The following EXOSC7 variants were observed in gnomAD, a reference collection of about 807,000 sequenced individuals.
EXOSC7 encodes exosome complex component RRP42.
Under a neutral mutation model 34.3 loss-of-function variants are expected in EXOSC7, and 25 were observed. The observed-to-expected ratio is 0.73, with a 90% CI of 0.53 to 1.02. EXOSC7 has a LOEUF of 1.02. Among genes scored for constraint, EXOSC7 ranks in the 50% least tolerant of loss-of-function variants. EXOSC7 has a pLI of 0.00. For synonymous variants in EXOSC7, 130 were observed against 143.0 expected (o/e 0.91, Z 0.65); for missense variants, 370 against 368.5 (o/e 1.00, Z -0.03).
intron 6 of EXOSC7, among the ~76,000 whole-genome samples, chr3:45,006,795 A>ACCC (rs1220398701): frequency 1.6e-5 from 2 of 124,612 alleles, no homozygotes; most frequent in Non-Finnish European, 3.4e-5. Context: ...CTCTGCTGCA[A>ACCC]CCCCCCCACC....
chr3:44,997,324 A>T (rs2125968663), intron 4 of EXOSC7, 72 bp downstream of exon 4: 2 of 1,455,314 alleles, frequency 1.4e-6, no homozygotes, highest in East Asian at 4.6e-5. Flanking sequence ...TTTTCCTTCC[A>T]GTGCTTTTTT....
chr3:45,003,349 GCGTGTGTGTGTGTA>G (rs1706938706), intron 5 of EXOSC7, among the ~76,000 whole-genome samples: 3 of 27,386 alleles, frequency 1.1e-4, no homozygotes, highest in Admixed American at 7.6e-4. Context: ...GTGCGTGCGT[GCGTGTGTGTGTGTA>G]TGTGTGTGTG....
In EXOSC7 at chr3:44,976,286, C is replaced by G. The variant is rs776618389; in HGVS notation, c.9C>G (p.Ser3=). The stretch of plus-strand genomic sequence containing the variant: ...TGGGGCAGCTCGGCAGCATGGCGTC[C>G]GTGACGCTGAGCGAGGCGGAGAAGG... MA[S]VTLSEAEKVY... The change falls in exon 1 of 8, where the codon TCC becomes TCG. Residue 3 remains serine, a synonymous_variant. Coordinates refer to ENST00000265564, the MANE Select transcript of EXOSC7 (RefSeq NM_015004.4). 2 of 1,563,366 alleles carry G rather than the reference C, an allele frequency of 1.3e-6. No homozygotes were observed. Among genetic ancestry groups the G allele is most frequent in the South Asian group, 1.2e-5 (1 of 85,560 alleles).
intron 4 of EXOSC7, among the ~76,000 whole-genome samples, chr3:44,997,673 T>C (rs1396370170): frequency 1.3e-5 from 2 of 152,244 alleles, no homozygotes; most frequent in South Asian, 2.1e-4. Context: ...GACACTGTTA[T>C]ATTTCCCATT....
intron 7 of EXOSC7, 34 bp downstream of exon 7, chr3:45,007,609 C>G (rs1707089442): frequency 1.0e-5 from 16 of 1,554,180 alleles, no homozygotes; most frequent in Non-Finnish European, 1.4e-5. Context: ...GTGCAGGGAC[C>G]TGGCCGGGGT....
rs148209742 is a variant in EXOSC7, at chr3:45,005,621, G to A, written c.615+207G>A. Among the ~76,000 whole-genome samples the A allele has an allele frequency of 1.5e-4, 23 of 152,272 alleles. No homozygotes were observed. The South Asian group carries it at 1.9e-3, about 12-fold the overall frequency. On this transcript the variant is annotated intron_variant, in intron 6 of 7. Transcript: ENST00000265564. ...TTTCTTTTTAATTGGAAGATATGAT[G>A]TGGTCCTGGGAGCCATGAGTGTGTT...
chr3:44,994,859 GTGTGTGTGTGTGTGT>G (rs1706675451), intron 3 of EXOSC7, among the ~76,000 whole-genome samples: 1 of 7,478 alleles, frequency 1.3e-4, no homozygotes, highest in Non-Finnish European at 2.8e-4. Context: ...AAGAATGGGT[GTGTGTGTGTGTGTGT>G]GTGTGTGTGT....
intron 4 of EXOSC7, among the ~76,000 whole-genome samples, chr3:44,999,719 A>G (rs1706822926): frequency 6.6e-6 from 1 of 152,216 alleles, no homozygotes; most frequent in South Asian, 2.1e-4. Flanking sequence ...ATCTTCAGAA[A>G]AGTTTTTAAT....
At chr3:44,989,375 AGG>A (rs3830558) in intron 2 of EXOSC7, 134 bp downstream of exon 2, 8 of 825,446 alleles carry the variant, frequency 9.7e-6, no homozygotes, top group East Asian at 2.6e-5. Flanking sequence ...AAACTCAGGG[AGG>A]GGGGGTCTAT....
In EXOSC7 at chr3:44,996,982, G is replaced by C. The variant is rs1706738289; in HGVS notation, c.255-105G>C. On this transcript the variant is annotated intron_variant, in intron 3 of 7. Coordinates refer to ENST00000265564, the MANE Select transcript of EXOSC7 (RefSeq NM_015004.4). ...CATCTCAGTGACTTTCTGTCGAGCAGCTGGCTCTTCCAGCATTCTACAGGG... is the reference window on the plus strand; with the variant it reads ...CATCTCAGTGACTTTCTGTCGAGCACCTGGCTCTTCCAGCATTCTACAGGG... The C allele has an allele frequency of 2.6e-6, 3 of 1,170,438 alleles. No homozygotes were observed. In the Admixed American group the frequency reaches 6.0e-5, roughly 23 times the overall value. 72.5% of individuals were successfully genotyped at this position (1,170,438 alleles called of 1,614,324 possible). A position where few individuals can be genotyped will look rare whatever the true frequency, so the allele number is the denominator to read the frequency against.
chr3:44,976,291 C>G lies in EXOSC7; in HGVS notation c.14C>G (p.Thr5Arg). Residue 5 changes from threonine to arginine, a missense_variant, in exon 1 of 8, where the codon ACG (threonine) becomes AGG (arginine). By Grantham distance (71) the Thr-to-Arg change is moderately conservative. Coordinates refer to ENST00000265564, the MANE Select transcript of EXOSC7 (RefSeq NM_015004.4). ...CAGCTCGGCAGCATGGCGTCCGTGA[C>G]GCTGAGCGAGGCGGAGAAGGTGTAC... MASV[T>R]LSEAEKVYIV... 6.4e-7 allele frequency: 1 copy of G among 1,562,118 alleles called. No individual in the cohort carries two copies. Among genetic ancestry groups the G allele is most frequent in the Non-Finnish European group, 8.6e-7 (1 of 1,160,770 alleles).
intron 7 of EXOSC7, 27 bp downstream of exon 7, chr3:45,007,602 C>T: frequency 3.2e-6 from 5 of 1,571,538 alleles, no homozygotes; most frequent in Non-Finnish European, 4.3e-6. Flanking sequence ...GAGGAAGGTG[C>T]AGGGACCTGG....
At chr3:44,983,819 G>T (rs1393714433) in intron 1 of EXOSC7, among the ~76,000 whole-genome samples, 4 of 152,010 alleles carry the variant, frequency 2.6e-5, no homozygotes, top group African/African-American at 9.7e-5. Flanking sequence ...GCTAGGCCAG[G>T]CAGGTTTGGA....
In EXOSC7 at chr3:44,997,190, G is replaced by A. The variant is rs753136828; in HGVS notation, c.358G>A (p.Asp120Asn). The change falls in exon 4 of 8, where the codon GAC (aspartate) becomes AAC (asparagine). Residue 120 changes from aspartate (D) to asparagine (N), a missense_variant. Physicochemically the swap from Asp to Asn is conservative, Grantham distance 23. This residue lies in a region of EXOSC7 where 255 missense variants were observed against 246.4 expected (regional missense o/e 1.03). Transcript: ENST00000265564. The part of the protein sequence containing the change: ...YRIFNNKSSV[D>N]LKTLCISPRE... ...GATATTTAACAATAAAAGCAGTGTC[G>A]ACTTAAAGACCCTCTGCATTAGTCC... 46 of 1,613,694 alleles carry A rather than the reference G, an allele frequency of 2.9e-5. No individual in the cohort carries two copies. Among genetic ancestry groups the A allele is most frequent in the Non-Finnish European group, 3.8e-5 (45 of 1,179,978 alleles).
intron 1 of EXOSC7, 30 bp downstream of exon 1, chr3:44,976,364 G>A: frequency 1.3e-6 from 2 of 1,545,814 alleles, no homozygotes; most frequent in Non-Finnish European, 1.7e-6. Flanking sequence ...TGGGTCGGCC[G>A]CCGGGTTCAG....
chr3:44,976,603 TGA>T (rs1453447384), intron 1 of EXOSC7, among the ~76,000 whole-genome samples: 6 of 152,146 alleles, frequency 3.9e-5, no homozygotes, highest in African/African-American at 1.4e-4. Flanking sequence ...CTTTTCTTAG[TGA>T]GAGAGCATCG....
intron 1 of EXOSC7, chr3:44,976,977 A>T (rs1391244398): frequency 6.6e-6 from 1 of 151,942 alleles, no homozygotes; most frequent in Non-Finnish European, 1.5e-5. Flanking sequence ...TACTCGGGAG[A>T]CTGAGGCAGG....
chr3:44,991,445 T>C (rs1358508621), intron 3 of EXOSC7, among the ~76,000 whole-genome samples: 1 of 152,246 alleles, frequency 6.6e-6, no homozygotes, highest in Non-Finnish European at 1.5e-5. Context: ...AAGCAGTCAC[T>C]GAGGAGCAGA....
chr3:45,007,362 G>T, intron 6 of EXOSC7, 58 bp from the exon 7 acceptor site: 1 of 1,596,530 alleles, frequency 6.3e-7, no homozygotes, highest in Non-Finnish European at 8.6e-7. Context: ...GAGGCCATCA[G>T]GGGTGGGACT....
Sources: allele counts gnomAD v4.1 joint callset (sites outside exome capture counted in the v4.1 genomes callset), GRCh38; gene constraint gnomAD v4.1.1; regional missense constraint gnomAD v4.1.1; transcripts MANE v1.5; gene names NCBI Gene and HGNC (gene_info 2026-07-23, HGNC 2026-07-21).